FBXW11: variants seen among roughly 807,000 people sequenced by gnomAD.
The protein encoded by FBXW11 is F-box/WD repeat-containing protein 11.
In FBXW11, 19 loss-of-function variants were observed where a neutral mutation model predicts 77.6. The observed-to-expected ratio is 0.24, with a 90% CI of 0.17 to 0.36. The LOEUF (loss-of-function observed/expected upper bound fraction) is 0.36, where lower values mean the gene tolerates loss of function less well. FBXW11 is among the 10% of genes least tolerant of loss of function. The pLI is 1.00. For missense variants in FBXW11, 334 were observed against 704.2 expected (o/e 0.47, Z 5.95); for synonymous variants, 235 against 249.4 (o/e 0.94, Z 0.54).
chr5:171,986,670 T>C (rs1254535541), intron 1 of FBXW11, among the ~76,000 whole-genome samples: 1 of 150,072 alleles, frequency 6.7e-6, no homozygotes, highest in Admixed American at 6.7e-5. Flanking sequence ...AGGGTTGCAG[T>C]GAGCCGAGAT....
chr5:171,865,166 C>T (rs949620947), intron 13 of FBXW11, among the ~76,000 whole-genome samples: 2 of 151,904 alleles, frequency 1.3e-5, no homozygotes, highest in African/African-American at 4.8e-5. Context: ...CATTAATGCC[C>T]CAGGACCAGA....
chr5:171,936,498 C>CAA (rs551599131), intron 2 of FBXW11, among the ~76,000 whole-genome samples: 704 of 63,800 alleles, frequency 0.011, 20 homozygotes, highest in African/African-American at 0.033. Context: ...CCTGTCTCAC[C>CAA]AAAAAAAAAA....
Position 171,861,765 on chromosome 5 carries a change from G to A in FBXW11, c.*2362C>T, listed in dbSNP as rs528267999. 6.6e-6 allele frequency: 1 copy of A among 152,628 alleles called. No homozygotes were observed. Among genetic ancestry groups the A allele is most frequent in the African/African-American group, 2.4e-5 (1 of 41,436 alleles). The allele number at this position is 152,628 out of a possible 1,614,324, so 9.5% of individuals were successfully genotyped here. On this transcript the variant is annotated 3_prime_UTR_variant, in exon 14 of 14. Transcript: ENST00000517395. ...TGAATAATATCTGTACAATTTAACA[G>A]TTTCAATAGCTGTTCAGACACAAAT...
chr5:171,873,539 A>G (rs1233106474), intron 9 of FBXW11, among the ~76,000 whole-genome samples: 1 of 152,150 alleles, frequency 6.6e-6, no homozygotes, highest in African/African-American at 2.4e-5. Flanking sequence ...CTACTCAGGG[A>G]GCTGAGGTGA....
At chr5:171,877,683 A>G (rs1758191651) in intron 8 of FBXW11, among the ~76,000 whole-genome samples, 1 of 152,078 alleles carries the variant, frequency 6.6e-6, no homozygotes, top group Admixed American at 6.5e-5. Context: ...GGGTGGCGAA[A>G]GAGTCCAGGA....
intron 1 of FBXW11, among the ~76,000 whole-genome samples, chr5:171,967,883 T>TATATATATACACAC (rs1244744249): frequency 1.3e-5 from 1 of 74,978 alleles, no homozygotes; most frequent in African/African-American, 5.9e-5. Context: ...TATATATATA[T>TATATATATACACAC]ACACACACAC....
Position 171,910,689 on chromosome 5 carries a change from A to C in FBXW11, c.319T>G (p.Ser107Ala). 1.9e-6 allele frequency: 3 copies of C among 1,614,010 alleles called. No homozygotes were observed. The highest frequency in any genetic ancestry group is 2.5e-6 in the Non-Finnish European group (3 of 1,179,950). The change falls in exon 4 of 14, where the codon TCA becomes GCA. Residue 107 changes from serine (S) to alanine (A), a missense_variant. Physicochemically the swap from Ser to Ala is moderately conservative, Grantham distance 99. Around this residue, in one of 10 missense-constraint regions of FBXW11, gnomAD observed 56 missense variants for 144.9 expected, o/e 0.39. Coordinates refer to ENST00000517395, the MANE Select transcript of FBXW11 (RefSeq NM_001378974.1). ...TGTTCCACAAATTCCACTTGATCTGATTCAGACCACTGGTCAAAATATTTA... is the reference window on the plus strand; with the variant it reads ...TGTTCCACAAATTCCACTTGATCTGCTTCAGACCACTGGTCAAAATATTTA... ...CIKYFDQWSESDQVEFVEHLI... is the reference protein window; with the variant it reads ...CIKYFDQWSEADQVEFVEHLI...
At chr5:171,903,213 C>A (rs1207397149) in intron 4 of FBXW11, among the ~76,000 whole-genome samples, 2 of 152,106 alleles carry the variant, frequency 1.3e-5, no homozygotes, top group Admixed American at 6.6e-5. Flanking sequence ...CCTCCCACCT[C>A]AACCTCCCAA....
intron 4 of FBXW11, among the ~76,000 whole-genome samples, chr5:171,902,321 C>A (rs1274034302): frequency 6.6e-6 from 1 of 152,200 alleles, no homozygotes; most frequent in Non-Finnish European, 1.5e-5. Context: ...TTTTCACTTA[C>A]ATGTTGACAC....
intron 2 of FBXW11, among the ~76,000 whole-genome samples, chr5:171,919,430 C>T (rs1253786316): frequency 2.0e-5 from 3 of 152,136 alleles, no homozygotes; most frequent in Admixed American, 2.0e-4. Flanking sequence ...TCATAACTAC[C>T]AAATACCACA....
chr5:171,946,853 C>T (rs1326689390), intron 2 of FBXW11, among the ~76,000 whole-genome samples: 6 of 143,096 alleles, frequency 4.2e-5, no homozygotes, highest in East Asian at 2.0e-4. Flanking sequence ...CTCACTCTGT[C>T]GCCCAGGCTG....
intron 4 of FBXW11, among the ~76,000 whole-genome samples, chr5:171,903,747 G>A (rs1351279636): frequency 6.6e-6 from 1 of 151,892 alleles, no homozygotes; most frequent in Non-Finnish European, 1.5e-5. Flanking sequence ...CCAGAATCAA[G>A]TGATCCTCCT....
In FBXW11 at chr5:171,904,349, C is replaced by A. The variant is rs2113900039; in HGVS notation, c.437-4249G>T. ...TGCATTAGATACTCGCCTTTTCAAA[C>A]CTCAAAGGCTGCAACATCCCCATCA... On this transcript the variant is annotated intron_variant, in intron 4 of 13. Coordinates refer to ENST00000517395, the MANE Select transcript of FBXW11 (RefSeq NM_001378974.1). This position sits in a 1 kb window ranked among gnomAD's most constrained non-coding sequence, Gnocchi z 4.0. Among the ~76,000 whole-genome samples the A allele has an allele frequency of 6.6e-6, 1 of 151,922 alleles. No individual in the cohort carries two copies. Among genetic ancestry groups the A allele is most frequent in the East Asian group, 1.9e-4 (1 of 5,176 alleles).
chr5:171,970,094 G>A (rs1396237605), intron 1 of FBXW11, among the ~76,000 whole-genome samples: 2 of 152,194 alleles, frequency 1.3e-5, no homozygotes, highest in African/African-American at 4.8e-5. Flanking sequence ...CTCATTGAGA[G>A]CTCTGAAAAA....
intron 1 of FBXW11, among the ~76,000 whole-genome samples, chr5:171,975,727 G>C (rs1764793151): frequency 6.6e-6 from 1 of 152,272 alleles, no homozygotes; most frequent in Non-Finnish European, 1.5e-5. Flanking sequence ...CTGGCAAACA[G>C]TAGGTATTTA....
rs376981001 is a variant in FBXW11 at position 171,888,336 on chromosome 5, G to A, written c.852+3131C>T. On this transcript the variant is annotated intron_variant, in intron 7 of 13. Coordinates refer to ENST00000517395, the MANE Select transcript of FBXW11 (RefSeq NM_001378974.1). ...GGGCTTACCCTTGAGCTGTATATGC[G>A]CAGAACAGACTGAACCAGCACAGCA... Among the ~76,000 whole-genome samples, 14 of 152,306 alleles carry A rather than the reference G, an allele frequency of 9.2e-5. No individual in the cohort carries two copies. In the East Asian group the frequency reaches 1.5e-3, roughly 17 times the overall value.
intron 1 of FBXW11, among the ~76,000 whole-genome samples, chr5:171,985,622 G>A (rs1765394848): frequency 6.6e-6 from 1 of 152,084 alleles, no homozygotes; most frequent in Non-Finnish European, 1.5e-5. Flanking sequence ...TAAAAAATTA[G>A]CTGGGCATGG....
Position 171,940,837 on chromosome 5 carries a change from A to G in FBXW11, c.147+16760T>C, listed in dbSNP as rs572964823. On this transcript the variant is annotated intron_variant, in intron 2 of 13. Coordinates refer to ENST00000517395, the MANE Select transcript of FBXW11 (RefSeq NM_001378974.1). ...GGGAGATGGAGGTTGCAGTGAGCCG[A>G]GATTGCACCACTGCACTCCAGCCTG... Among the ~76,000 whole-genome samples, 60 of 151,212 alleles carry G rather than the reference A, an allele frequency of 4.0e-4. 4 individuals carry two copies. In the South Asian group the frequency reaches 0.011, roughly 28 times the overall value.
At chr5:171,960,965 T>C (rs996775811) in intron 1 of FBXW11, among the ~76,000 whole-genome samples, 1 of 152,222 alleles carries the variant, frequency 6.6e-6, no homozygotes, top group African/African-American at 2.4e-5. Flanking sequence ...ATAATATCTA[T>C]GGTAGATACT....
Sources: allele counts gnomAD v4.1 joint callset (sites outside exome capture counted in the v4.1 genomes callset), GRCh38; gene constraint gnomAD v4.1.1; regional missense constraint gnomAD v4.1.1; non-coding constraint Gnocchi (gnomAD v3.1); transcripts MANE v1.5; gene names NCBI Gene and HGNC (gene_info 2026-07-23, HGNC 2026-07-21).